PHF21B: variants seen among roughly 807,000 people sequenced by gnomAD.
The protein encoded by PHF21B is PHD finger protein 21B.
In PHF21B, 22 loss-of-function variants were observed where a neutral mutation model predicts 62.2. That is an observed-to-expected ratio of 0.35 (90% CI 0.25 to 0.51). The LOEUF is 0.51. PHF21B is among the 20% of genes least tolerant of loss of function. The pLI, the probability that PHF21B is intolerant of heterozygous loss-of-function variation, is 0.97. For missense variants in PHF21B, 701 were observed against 707.9 expected (o/e 0.99, Z 0.11); for synonymous variants, 341 against 314.7 (o/e 1.08, Z -0.88).
At position 44,916,325 on chromosome 22, in the gene PHF21B, A is replaced by G. The variant is rs1294989138; in HGVS notation, c.519T>C (p.Ser173=). The change falls in exon 4 of 13, where the codon AGT becomes AGC. Residue 173 remains serine, a synonymous_variant. Transcript: ENST00000313237. ...MAPSTAVSVV[S]DSIKVQPLLI... ...GGAGGGGCTGGACTTTGATGCTGTC[A>G]CTGACCACAGACACGGCGGTGCTGG... 1.3e-6 allele frequency: 2 copies of G among 1,597,330 alleles called. No individual in the cohort carries two copies. The highest frequency in any genetic ancestry group is 4.5e-5 in the East Asian group (2 of 44,734).
At chr22:44,884,700 A>G (rs1476943383) in intron 12 of PHF21B, among the ~76,000 whole-genome samples, 1 of 150,366 alleles carries the variant, frequency 6.7e-6, no homozygotes, top group Non-Finnish European at 1.5e-5. Flanking sequence ...CATTACAACC[A>G]TCACCATCAC....
At chr22:44,924,760 G>T (rs1189522849) in intron 2 of PHF21B, among the ~76,000 whole-genome samples, 1 of 152,168 alleles carries the variant, frequency 6.6e-6, no homozygotes, top group Non-Finnish European at 1.5e-5. Context: ...GGCAGCCTGG[G>T]CAGACTAGGA....
intron 2 of PHF21B, among the ~76,000 whole-genome samples, chr22:44,961,845 AAAATAAATAAAT>A (rs142030912): frequency 0.12 from 17,435 of 144,222 alleles, 1,210 homozygotes; most frequent in South Asian, 0.27. Context: ...ACTCTGTCTC[AAAATAAATAAAT>A]AAATAAATAA....
intron 5 of PHF21B, among the ~76,000 whole-genome samples, chr22:44,896,591 A>C (rs1387684434): frequency 6.6e-6 from 1 of 152,238 alleles, no homozygotes. Context: ...CATTTGCATC[A>C]TTGGTCCTTT....
chr22:44,926,302 T>C (rs2071630361), intron 2 of PHF21B, among the ~76,000 whole-genome samples: 1 of 152,212 alleles, frequency 6.6e-6, no homozygotes, highest in Admixed American at 6.5e-5. Flanking sequence ...CCGAGGCAGG[T>C]TCCCCGTAAG....
intron 2 of PHF21B, among the ~76,000 whole-genome samples, chr22:44,932,663 G>A (rs1018439197): frequency 6.6e-6 from 1 of 152,232 alleles, no homozygotes; most frequent in Non-Finnish European, 1.5e-5. Context: ...ACCACGGAAC[G>A]CTGATGACGG....
At chr22:44,990,303 C>A (rs753118712) in intron 2 of PHF21B, among the ~76,000 whole-genome samples, 2 of 152,222 alleles carry the variant, frequency 1.3e-5, no homozygotes, top group Non-Finnish European at 2.9e-5. Flanking sequence ...CCATCAATTC[C>A]ACTTCTGCAT....
intron 2 of PHF21B, among the ~76,000 whole-genome samples, chr22:44,948,615 C>T (rs1057455625): frequency 2.0e-5 from 3 of 151,032 alleles, no homozygotes; most frequent in Non-Finnish European, 2.9e-5. Context: ...CGCTCGAACC[C>T]GGGAGGCAGA....
intron 2 of PHF21B, among the ~76,000 whole-genome samples, chr22:44,945,242 C>T (rs1218795858): frequency 6.6e-6 from 1 of 152,174 alleles, no homozygotes; most frequent in Non-Finnish European, 1.5e-5. Context: ...GGCCCATGGG[C>T]ACCTAGCTTT....
chr22:45,003,988 T>C (rs1052928220), intron 2 of PHF21B, among the ~76,000 whole-genome samples: 1 of 151,906 alleles, frequency 6.6e-6, no homozygotes, highest in African/African-American at 2.4e-5. Flanking sequence ...CATACATATA[T>C]ACACACACAC....
intron 5 of PHF21B, chr22:44,901,726 T>C (rs2071163208): frequency 5.1e-6 from 2 of 390,370 alleles, no homozygotes; most frequent in Non-Finnish European, 4.6e-6. Flanking sequence ...ATCCCATCCT[T>C]GTCAGAGGAA....
At chr22:44,926,175 C>A (rs1259713149) in intron 2 of PHF21B, among the ~76,000 whole-genome samples, 1 of 108,590 alleles carries the variant, frequency 9.2e-6, no homozygotes, top group Non-Finnish European at 2.2e-5. Flanking sequence ...CATGACCCTG[C>A]AATGGATTCC....
At chr22:44,889,117 G>A (rs2070914102) in intron 9 of PHF21B, among the ~76,000 whole-genome samples, 1 of 152,248 alleles carries the variant, frequency 6.6e-6, no homozygotes, top group South Asian at 2.1e-4. Context: ...CTTCTTAGAG[G>A]CTTGACAGTT....
chr22:45,008,740 C>G (rs1194461507), intron 1 of PHF21B, 130 bp from the exon 2 acceptor site: 4 of 1,155,790 alleles, frequency 3.5e-6, no homozygotes, highest in Non-Finnish European at 4.3e-6. Flanking sequence ...CCAAGTTTCC[C>G]GGGCCGCGTC....
chr22:44,920,368 C>T (rs1187824240), intron 3 of PHF21B, 30 bp downstream of exon 3: 4 of 1,548,494 alleles, frequency 2.6e-6, no homozygotes, highest in Non-Finnish European at 2.6e-6. Flanking sequence ...GACAGACGGA[C>T]ACCCCAGGGC....
At chr22:44,955,773 T>C (rs1442760936) in intron 2 of PHF21B, among the ~76,000 whole-genome samples, 2 of 152,128 alleles carry the variant, frequency 1.3e-5, no homozygotes, top group Non-Finnish European at 2.9e-5. Flanking sequence ...CCTCCACCAT[T>C]GCAGGAGCTG....
At chr22:44,929,847 G>C (rs532532574) in intron 2 of PHF21B, among the ~76,000 whole-genome samples, 1 of 152,332 alleles carries the variant, frequency 6.6e-6, no homozygotes, top group Admixed American at 6.5e-5. Flanking sequence ...GACCCACAGA[G>C]ATGCGAGGGT....
At position 44,917,310 on chromosome 22, in the gene PHF21B, T is replaced by G. The variant is rs903461180; in HGVS notation, c.214-680A>C. Among the ~76,000 whole-genome samples the G allele has an allele frequency of 4.6e-5, 7 of 152,106 alleles. 1 individual carries two copies. The highest frequency in any genetic ancestry group is 4.6e-4 in the Admixed American group (7 of 15,290). On this transcript the variant is annotated intron_variant, in intron 3 of 12. Transcript: ENST00000313237. ...CTCATCTGCATGAGGTGATGAGACT[T>G]ACTGGGGTTCGGAAGAAAGAAAATG...
intron 2 of PHF21B, among the ~76,000 whole-genome samples, chr22:44,957,416 A>G (rs1884205): frequency 0.79 from 119,696 of 152,236 alleles, 47,312 homozygotes; most frequent in East Asian, 0.89. Flanking sequence ...CAGGGCTGGC[A>G]TGCGGGCCCC....
Sources: gnomAD v4.1 joint callset for allele counts (sites outside exome capture counted in the v4.1 genomes callset) on GRCh38, gnomAD v4.1.1 for gene constraint, MANE v1.5 for transcripts, NCBI Gene and HGNC (gene_info 2026-07-23, HGNC 2026-07-21) for gene names.